Variants in HTR7 observed in about 807,000 individuals in gnomAD.
The protein encoded by HTR7 is 5-hydroxytryptamine receptor 7, also known as 5-HT-7.
A neutral mutation model predicts 34.0 loss-of-function variants in HTR7; 16 were observed. The ratio of observed to expected loss-of-function variants is 0.47; its 90% CI spans 0.32 to 0.71. HTR7 has a LOEUF of 0.71. Ranked by LOEUF, HTR7 falls within the 30% of genes least tolerant of loss-of-function variation. The pLI, the probability that HTR7 is intolerant of heterozygous loss-of-function variation, is 0.04. For missense variants in HTR7, 504 were observed against 625.5 expected, an observed-to-expected ratio of 0.81 and a Z score of 2.07; for synonymous variants, 265 against 260.2, an observed-to-expected ratio of 1.02 and a Z score of -0.18.
At chr10:90,832,121 A>C (rs914825341) in intron 1 of HTR7, among the ~76,000 whole-genome samples, 11 of 152,188 alleles carry the variant, frequency 7.2e-5, no homozygotes, top group African/African-American at 2.4e-4. Flanking sequence ...CACCCAGTGG[A>C]TCTGGCACTG....
chr10:90,850,169 T>C (rs768103092), intron 1 of HTR7, among the ~76,000 whole-genome samples: 1 of 152,370 alleles, frequency 6.6e-6, no homozygotes, highest in African/African-American at 2.4e-5. Flanking sequence ...CTCAAAACAT[T>C]TGCTGAATTC....
intron 1 of HTR7, among the ~76,000 whole-genome samples, chr10:90,853,444 C>T (rs1372143049): frequency 6.6e-6 from 1 of 150,940 alleles, no homozygotes; most frequent in Non-Finnish European, 1.5e-5. Flanking sequence ...TGCCACCATG[C>T]CTGGCTTTTT....
chr10:90,751,329 G>T (rs2119684035), intron 1 of HTR7, among the ~76,000 whole-genome samples: 1 of 152,230 alleles, frequency 6.6e-6, no homozygotes, highest in African/African-American at 2.4e-5. Flanking sequence ...AAGGGAAGAG[G>T]GAGGGAAAAG....
At chr10:90,806,488 A>C (rs1195826909) in intron 1 of HTR7, among the ~76,000 whole-genome samples, 7 of 152,118 alleles carry the variant, frequency 4.6e-5, no homozygotes, top group Non-Finnish European at 7.4e-5. Context: ...AGTCTCAGCT[A>C]CTTGGGAGGC....
intron 1 of HTR7, among the ~76,000 whole-genome samples, chr10:90,831,118 A>T (rs559567814): frequency 1.7e-3 from 255 of 152,336 alleles, no homozygotes; most frequent in African/African-American, 5.7e-3. Context: ...GCACATTCCA[A>T]TTAGGGTAGT....
At chr10:90,838,065 A>ATCTG (rs1233711214) in intron 1 of HTR7, among the ~76,000 whole-genome samples, 3 of 152,002 alleles carry the variant, frequency 2.0e-5, no homozygotes, top group Non-Finnish European at 4.4e-5. Flanking sequence ...CCCTTTTCCT[A>ATCTG]TCTGCTCTCT....
intron 1 of HTR7, among the ~76,000 whole-genome samples, chr10:90,798,143 T>C (rs192325000): frequency 7.6e-4 from 115 of 152,314 alleles, no homozygotes; most frequent in African/African-American, 2.6e-3. Flanking sequence ...CCACAGCATA[T>C]GCTTTAAAGA....
chr10:90,795,816 A>C (rs1017975407), intron 1 of HTR7, among the ~76,000 whole-genome samples: 1 of 152,184 alleles, frequency 6.6e-6, no homozygotes, highest in Middle Eastern at 3.2e-3. Flanking sequence ...GAAGGGCGGG[A>C]CAACTTGAAG....
chr10:90,828,052 C>T (rs1846107812), intron 1 of HTR7, among the ~76,000 whole-genome samples: 1 of 151,414 alleles, frequency 6.6e-6, no homozygotes, highest in Admixed American at 6.6e-5. Flanking sequence ...AAATGAATAA[C>T]AAGCAAAATC....
intron 1 of HTR7, among the ~76,000 whole-genome samples, chr10:90,832,474 C>A (rs1035918134): frequency 6.6e-6 from 1 of 152,168 alleles, no homozygotes; most frequent in African/African-American, 2.4e-5. Flanking sequence ...GCTCCGAGTG[C>A]GGGCCCGCCA....
intron 1 of HTR7, among the ~76,000 whole-genome samples, chr10:90,788,550 T>A (rs896916978): frequency 8.5e-5 from 13 of 152,200 alleles, no homozygotes; most frequent in Admixed American, 6.5e-5. Context: ...TTATTCCTAA[T>A]CCCTACAGCT....
At chr10:90,753,456 C>T (rs1162015957) in intron 1 of HTR7, among the ~76,000 whole-genome samples, 1 of 152,094 alleles carries the variant, frequency 6.6e-6, no homozygotes, top group Non-Finnish European at 1.5e-5. Context: ...AAGAGATGCA[C>T]ATTTTAAAAT....
intron 2 of HTR7, among the ~76,000 whole-genome samples, chr10:90,748,484 C>A (rs192550387): frequency 6.6e-5 from 10 of 152,136 alleles, no homozygotes; most frequent in Non-Finnish European, 1.3e-4. Flanking sequence ...CTTTACTGGA[C>A]AGAAGAATAA....
At chr10:90,751,707 G>A (rs7099189) in intron 1 of HTR7, among the ~76,000 whole-genome samples, 57,583 of 152,006 alleles carry the variant, frequency 0.38, 11,644 homozygotes, top group African/African-American at 0.53. Flanking sequence ...AAAAAAGGTT[G>A]TATTTTATTT....
chr10:90,753,429 T>G (rs893196591), intron 1 of HTR7, among the ~76,000 whole-genome samples: 3 of 151,766 alleles, frequency 2.0e-5, no homozygotes, highest in Non-Finnish European at 4.4e-5. Context: ...TTAAAAATAT[T>G]CAGAACTTCA....
Position 90,858,000 on chromosome 10 carries a change from CG to C in HTR7, c.-330del, listed in dbSNP as rs1846627127. 6.7e-6 allele frequency among the ~76,000 whole-genome samples: 1 copy of C among 150,368 alleles called. No individual in the cohort carries two copies. The highest frequency in any genetic ancestry group is 2.4e-5 in the African/African-American group (1 of 41,186). On this transcript the variant is annotated 5_prime_UTR_variant, in exon 1 of 4. Coordinates refer to ENST00000336152, the MANE Select transcript of HTR7 (RefSeq NM_019859.4). This position sits in a 1 kb window ranked among gnomAD's most constrained non-coding sequence, Gnocchi z 6.5. ...GTTCGCAGCAGCAGCTCGGCTGCGC[CG>C]AGAGCGCCCGGGCGGCAGCGGCAGA...
At chr10:90,856,811 A>G (rs1440471437) in intron 1 of HTR7, among the ~76,000 whole-genome samples, 1 of 152,200 alleles carries the variant, frequency 6.6e-6, no homozygotes, top group Admixed American at 6.5e-5. Context: ...GTCAGGGAGC[A>G]CCAAATCCCT....
intron 1 of HTR7, among the ~76,000 whole-genome samples, chr10:90,851,604 CAAAAAAAAAAAAAAAA>C: frequency 1.4e-5 from 1 of 69,182 alleles, no homozygotes; most frequent in South Asian, 7.1e-4. Context: ...GACTCCGTCC[CAAAAAAAAAAAAAAAA>C]AAAAAAAGAA....
intron 1 of HTR7, among the ~76,000 whole-genome samples, chr10:90,759,759 C>A (rs911315095): frequency 6.8e-6 from 1 of 147,708 alleles, no homozygotes; most frequent in Non-Finnish European, 1.5e-5. Flanking sequence ...ATTAGCATAA[C>A]AGAATGTAAA....
Sources: allele counts gnomAD v4.1 joint callset (sites outside exome capture counted in the v4.1 genomes callset), GRCh38; gene constraint gnomAD v4.1.1; non-coding constraint Gnocchi (gnomAD v3.1); transcripts MANE v1.5; gene names NCBI Gene and HGNC (gene_info 2026-07-23, HGNC 2026-07-21).